POLG2: variants seen among roughly 807,000 people sequenced by gnomAD.
POLG2 encodes DNA polymerase gamma 2, accessory subunit, also known as DNA polymerase subunit gamma-2.
In POLG2, 50 loss-of-function variants were observed where a neutral mutation model predicts 56.5. The ratio of observed to expected loss-of-function variants is 0.88; its 90% CI spans 0.71 to 1.12. The LOEUF is 1.12. POLG2 is among the 50% of genes most tolerant of loss of function. The pLI is 0.00. For synonymous variants in POLG2, 226 were observed against 222.6 expected (o/e 1.02, Z -0.14); for missense variants, 584 against 583.3 (o/e 1.00, Z -0.01).
At chr17:64,495,326 T>C (rs2038132624) in intron 1 of POLG2, among the ~76,000 whole-genome samples, 1 of 152,156 alleles carries the variant, frequency 6.6e-6, no homozygotes, top group Admixed American at 6.5e-5. Flanking sequence ...ACACCTGTAA[T>C]CCCAGCACTT....
At chr17:64,492,159 G>A (rs1270161804) in intron 3 of POLG2, among the ~76,000 whole-genome samples, 4 of 152,144 alleles carry the variant, frequency 2.6e-5, no homozygotes, top group African/African-American at 4.8e-5. Flanking sequence ...ACCCTTCTGC[G>A]AAGTTCTTGA....
chr17:64,491,745 TC>T, intron 3 of POLG2: 1 of 757,538 alleles, frequency 1.3e-6, no homozygotes, highest in South Asian at 1.3e-5. Flanking sequence ...CTACTGCCTT[TC>T]CTACAAGGAG....
intron 3 of POLG2, chr17:64,491,571 C>T (rs2038058518): frequency 1.3e-6 from 2 of 1,552,510 alleles, no homozygotes; most frequent in Admixed American, 1.7e-5. Context: ...GGAGGTCAAA[C>T]TAGGGGAGCT....
chr17:64,496,711 A>C lies in POLG2; in HGVS notation c.258T>G (p.Leu86=). 6.2e-7 allele frequency: 1 copy of C among 1,614,014 alleles called. No individual in the cohort carries two copies. Among genetic ancestry groups the C allele is most frequent in the Non-Finnish European group, 8.5e-7 (1 of 1,179,970 alleles). The change falls in exon 1 of 8, where the codon CTT becomes CTG. Residue 86 remains leucine (L), a synonymous_variant. Coordinates refer to ENST00000539111, the MANE Select transcript of POLG2 (RefSeq NM_007215.4). ...RHFLSGSKQQ[L]SRDSLLSGCH... ...ACCCACTCAGAAGAGAATCCCGGCT[A>C]AGCTGCTGCTTGCTTCCACTTAGGA... is the stretch of plus-strand genomic sequence containing the variant.
intron 4 of POLG2, among the ~76,000 whole-genome samples, chr17:64,490,090 A>C (rs1023838634): frequency 2.0e-5 from 3 of 152,114 alleles, no homozygotes; most frequent in Non-Finnish European, 4.4e-5. Flanking sequence ...ACATCCAGCT[A>C]ATTTTTGTAT....
chr17:64,485,743 T>C lies in POLG2; in HGVS notation c.1095A>G (p.Lys365=). The C allele has an allele frequency of 6.2e-7, 1 of 1,613,134 alleles. No individual in the cohort carries two copies. Residue 365 remains lysine (K), a synonymous_variant, in exon 5 of 8, where the codon AAA becomes AAG. Coordinates refer to ENST00000539111, the MANE Select transcript of POLG2 (RefSeq NM_007215.4). ...QLTENSFTRK[K]NLHRKVLKLH... ...TCAACAGCACCTTTCTATGAAGATT[T>C]TTCTTTCTTGTAAAGGAGTTCTCTG...
chr17:64,495,071 G>A (rs1555669227), intron 1 of POLG2, among the ~76,000 whole-genome samples: 1 of 151,766 alleles, frequency 6.6e-6, no homozygotes, highest in African/African-American at 2.4e-5. Flanking sequence ...CCAGCTACTC[G>A]GGAGGCTGAG....
chr17:64,496,148 T>C (rs1338329351), intron 1 of POLG2, among the ~76,000 whole-genome samples: 3 of 152,252 alleles, frequency 2.0e-5, no homozygotes, highest in Admixed American at 6.5e-5. Context: ...ATGACAGCAC[T>C]GTGTTCAGAA....
At position 64,490,853 on chromosome 17, in the gene POLG2, C is replaced by A. The variant is rs1018970034; in HGVS notation, c.912G>T (p.Trp304Cys). The A allele has an allele frequency of 6.2e-7, 1 of 1,613,694 alleles. No individual in the cohort carries two copies. Among genetic ancestry groups the A allele is most frequent in the Admixed American group, 1.7e-5 (1 of 60,020 alleles). The change falls in exon 4 of 8, where the codon TGG (tryptophan) becomes TGT (cysteine). Residue 304 changes from tryptophan (W) to cysteine (C), a missense_variant. Trp to Cys is a radical substitution (Grantham distance 215). Transcript: ENST00000539111. ...GTAAAAGTTCGTGATCTCCTAGGTT[C>A]CACAGGGTTTCTATTAACTCCTTTC... is the stretch of plus-strand genomic sequence containing the variant. Reference protein sequence around the residue: ...PWGKELIETLWNLGDHELLHM... With the variant: ...PWGKELIETLCNLGDHELLHM...
intron 4 of POLG2, among the ~76,000 whole-genome samples, chr17:64,487,958 G>C (rs1393388343): frequency 6.6e-6 from 1 of 152,224 alleles, no homozygotes; most frequent in Non-Finnish European, 1.5e-5. Flanking sequence ...ACACTATCCA[G>C]AATAAATTCT....
chr17:64,491,033 T>C (rs2038049262), intron 3 of POLG2, 64 bp from the exon 4 acceptor site: 2 of 1,205,176 alleles, frequency 1.7e-6, no homozygotes, highest in African/African-American at 3.0e-5. Context: ...ACTCCCATAA[T>C]TATCTGTAAG....
At chr17:64,489,954 C>T (rs377198260) in intron 4 of POLG2, among the ~76,000 whole-genome samples, 17 of 150,830 alleles carry the variant, frequency 1.1e-4, no homozygotes, top group African/African-American at 3.9e-4. Context: ...GAGACAGAGT[C>T]TCGTTCTGTC....
chr17:64,480,540 A>G (rs1215558815), intron 6 of POLG2, 151 bp from the exon 7 acceptor site: 2 of 493,416 alleles, frequency 4.1e-6, no homozygotes, highest in Admixed American at 3.3e-5. Flanking sequence ...TAACTTCCAT[A>G]TCATATACTT....
At chr17:64,487,188 A>C (rs2037971770) in intron 4 of POLG2, 1 of 152,222 alleles carries the variant, frequency 6.6e-6, no homozygotes, top group Non-Finnish European at 1.5e-5. Flanking sequence ...TGACATTTTA[A>C]ACCTATTTGA....
chr17:64,478,073 A>G (rs2037797166), intron 7 of POLG2, 85 bp from the exon 8 acceptor site: 3 of 1,403,674 alleles, frequency 2.1e-6, no homozygotes, highest in Non-Finnish European at 3.0e-6. Context: ...TTCAGTGTTC[A>G]TGCACTCTCA....
chr17:64,492,819 A>G, intron 2 of POLG2, 47 bp from the exon 3 acceptor site: 1 of 1,601,228 alleles, frequency 6.2e-7, no homozygotes, highest in Non-Finnish European at 8.6e-7. Context: ...TGAAAATTAT[A>G]TAATTTATCC....
At chr17:64,483,999 G>A (rs2037909579) in intron 5 of POLG2, 1 of 152,280 alleles carries the variant, frequency 6.6e-6, no homozygotes, top group Admixed American at 6.5e-5. Flanking sequence ...ATAGGCGTGA[G>A]CCATTCAGCC....
At chr17:64,494,140 C>G (rs2038111284) in intron 1 of POLG2, among the ~76,000 whole-genome samples, 1 of 152,172 alleles carries the variant, frequency 6.6e-6, no homozygotes, top group Admixed American at 6.5e-5. Flanking sequence ...ATTTCCCTTG[C>G]CTCCTTTCCC....
rs551141991 is a variant in POLG2 at position 64,496,241 on chromosome 17, C to T, written c.562+166G>A. 2.6e-5 allele frequency among the ~76,000 whole-genome samples: 4 copies of T among 152,268 alleles called. No homozygotes were observed. The South Asian group carries it at 8.3e-4, about 32-fold the overall frequency. Reference sequence around the variant, plus strand: ...AGCAATGATTCCATGGACCAGTTTTCTCCAGGGTAGAGCACTGTTAATATA... The same window carrying T: ...AGCAATGATTCCATGGACCAGTTTTTTCCAGGGTAGAGCACTGTTAATATA... On this transcript the variant is annotated intron_variant, in intron 1 of 7. Coordinates refer to ENST00000539111, the MANE Select transcript of POLG2 (RefSeq NM_007215.4).
Sources: allele counts gnomAD v4.1 joint callset (sites outside exome capture counted in the v4.1 genomes callset), GRCh38; gene constraint gnomAD v4.1.1; transcripts MANE v1.5; gene names NCBI Gene and HGNC (gene_info 2026-07-23, HGNC 2026-07-21).